The following WDPCP variants were observed in gnomAD, a reference collection of about 807,000 sequenced individuals.
WDPCP encodes the protein WD repeat-containing and planar cell polarity effector protein fritz homolog.
In WDPCP, 71 loss-of-function variants were observed where a neutral mutation model predicts 93.1. The ratio of observed to expected loss-of-function variants is 0.76; its 90% CI spans 0.63 to 0.93. The LOEUF (loss-of-function observed/expected upper bound fraction) is 0.93. Ranked by LOEUF, WDPCP falls within the 40% of genes least tolerant of loss-of-function variation. WDPCP has a pLI of 0.00. For synonymous variants in WDPCP, 315 were observed against 315.0 expected (o/e 1.00, Z 0.00); for missense variants, 844 against 887.4 (o/e 0.95, Z 0.62).
At chr2:63,444,355 C>A (rs1218207701) in intron 6 of WDPCP, among the ~76,000 whole-genome samples, 1 of 152,064 alleles carries the variant, frequency 6.6e-6, no homozygotes, top group Non-Finnish European at 1.5e-5. Context: ...TATGGGGAAG[C>A]ATAGAGTTGC....
chr2:63,642,618 C>T (rs778230381), intron 3 of WDPCP: 4 of 152,044 alleles, frequency 2.6e-5, no homozygotes, highest in Non-Finnish European at 4.4e-5. Context: ...TGTTAACATA[C>T]AGTAATGCTA....
chr2:63,563,699 G>A (rs1418590028), intron 1 of WDPCP, among the ~76,000 whole-genome samples: 1 of 152,044 alleles, frequency 6.6e-6, no homozygotes, highest in African/African-American at 2.4e-5. Context: ...GAGGTCATAA[G>A]GGTAGATCCC....
intron 12 of WDPCP, among the ~76,000 whole-genome samples, chr2:63,356,777 G>A (rs189510586): frequency 6.6e-6 from 1 of 152,318 alleles, no homozygotes; most frequent in Non-Finnish European, 1.5e-5. Flanking sequence ...CTAAGGCAGT[G>A]TTAGGAAGGA....
At chr2:63,779,561 G>T (rs1163133144) in intron 2 of WDPCP, among the ~76,000 whole-genome samples, 1 of 152,162 alleles carries the variant, frequency 6.6e-6, no homozygotes, top group African/African-American at 2.4e-5. Context: ...GGTTGAGCAA[G>T]GCTGTTCAAC....
intron 13 of WDPCP, among the ~76,000 whole-genome samples, chr2:63,308,420 T>G (rs1451970688): frequency 6.6e-6 from 1 of 152,204 alleles, no homozygotes; most frequent in Non-Finnish European, 1.5e-5. Context: ...TATAAATCAT[T>G]CTACTATAAA....
intron 1 of WDPCP, among the ~76,000 whole-genome samples, chr2:63,586,273 A>ATT (rs1302692327): frequency 1.3e-5 from 2 of 152,240 alleles, no homozygotes; most frequent in African/African-American, 4.8e-5. Context: ...TTAGAATGGT[A>ATT]TTTCAAACAT....
intron 2 of WDPCP, among the ~76,000 whole-genome samples, chr2:63,797,020 G>A (rs536281192): frequency 1.3e-5 from 2 of 152,292 alleles, no homozygotes; most frequent in South Asian, 2.1e-4. Context: ...GCCACAGAAG[G>A]AAAGGGCACT....
At chr2:63,451,916 A>G (rs1698278889) in intron 6 of WDPCP, among the ~76,000 whole-genome samples, 1 of 152,212 alleles carries the variant, frequency 6.6e-6, no homozygotes, top group Non-Finnish European at 1.5e-5. Context: ...AACTCTCAAT[A>G]AATTAGGTAT....
intron 12 of WDPCP, among the ~76,000 whole-genome samples, chr2:63,321,533 G>A (rs1687092854): frequency 6.6e-6 from 1 of 151,888 alleles, no homozygotes; most frequent in Non-Finnish European, 1.5e-5. Flanking sequence ...TTAACTACTG[G>A]TTTGCTTTTG....
At chr2:63,179,847 T>G (rs1055733461) in intron 14 of WDPCP, among the ~76,000 whole-genome samples, 1 of 152,228 alleles carries the variant, frequency 6.6e-6, no homozygotes, top group Admixed American at 6.5e-5. Context: ...GTCATTTCAC[T>G]GTAATCAGAG....
chr2:63,232,429 CT>C (rs1177907991), intron 14 of WDPCP: 3 of 152,142 alleles, frequency 2.0e-5, no homozygotes, highest in African/African-American at 7.2e-5. Context: ...GCAATCTTTC[CT>C]TCTAAGTTTA....
intron 3 of WDPCP, among the ~76,000 whole-genome samples, chr2:63,627,828 C>T (rs773784945): frequency 2.0e-5 from 3 of 152,120 alleles, no homozygotes; most frequent in Non-Finnish European, 4.4e-5. Flanking sequence ...TCCTGGACGC[C>T]GAACAAGAGC....
chr2:63,308,489 A>G (rs1490395255), intron 13 of WDPCP, among the ~76,000 whole-genome samples: 4 of 152,248 alleles, frequency 2.6e-5, no homozygotes, highest in African/African-American at 9.6e-5. Context: ...ACTTGGAACC[A>G]ACCCAAATGC....
At chr2:63,203,617 C>T (rs191538235) in intron 14 of WDPCP, among the ~76,000 whole-genome samples, 11 of 152,088 alleles carry the variant, frequency 7.2e-5, no homozygotes, top group African/African-American at 2.7e-4. Flanking sequence ...TTGTTGTACC[C>T]AATAACCATC....
At chr2:63,570,289 A>C (rs1442933051) in intron 1 of WDPCP, among the ~76,000 whole-genome samples, 1 of 152,234 alleles carries the variant, frequency 6.6e-6, no homozygotes. Context: ...GTCTGAAAAC[A>C]TATGTATTAT....
intron 2 of WDPCP, among the ~76,000 whole-genome samples, chr2:63,742,398 A>T (rs981561557): frequency 1.3e-5 from 2 of 151,776 alleles, no homozygotes; most frequent in Non-Finnish European, 2.9e-5. Context: ...GATGATACTC[A>T]CCCAACATTA....
intron 2 of WDPCP, among the ~76,000 whole-genome samples, chr2:63,782,672 A>G (rs1670412351): frequency 6.6e-6 from 1 of 152,112 alleles, no homozygotes; most frequent in Admixed American, 6.6e-5. Context: ...AAGACAAAAA[A>G]TAATGAATGT....
At chr2:63,651,092 GAAC>G (rs1481579465) in intron 2 of WDPCP, among the ~76,000 whole-genome samples, 1 of 152,118 alleles carries the variant, frequency 6.6e-6, no homozygotes, top group South Asian at 2.1e-4. Context: ...GGAGATGATA[GAAC>G]AACAATATGG....
intron 2 of WDPCP, among the ~76,000 whole-genome samples, chr2:63,771,011 T>C (rs898382879): frequency 4.0e-5 from 6 of 151,712 alleles, no homozygotes; most frequent in African/African-American, 1.4e-4. Flanking sequence ...TATAAGTAAA[T>C]TTAAAAATAA....
Sources: allele counts gnomAD v4.1 joint callset (sites outside exome capture counted in the v4.1 genomes callset), GRCh38; gene constraint gnomAD v4.1.1; transcripts MANE v1.5; gene names NCBI Gene and HGNC (gene_info 2026-07-23, HGNC 2026-07-21).